The following NKAIN2 variants were observed in gnomAD, a reference collection of about 807,000 sequenced individuals.
The protein encoded by NKAIN2 is sodium/potassium transporting ATPase interacting 2, also known as sodium/potassium-transporting ATPase subunit beta-1-interacting protein 2.
Under a neutral mutation model 32.6 loss-of-function variants are expected in NKAIN2, and 14 were observed. The ratio of observed to expected loss-of-function variants is 0.43; its 90% CI spans 0.28 to 0.67. The LOEUF (loss-of-function observed/expected upper bound fraction) is 0.67. Among genes scored for constraint, NKAIN2 ranks in the 30% least tolerant of loss-of-function variants. The pLI, the probability that NKAIN2 is intolerant of heterozygous loss-of-function variation, is 0.17. For missense variants in NKAIN2, 198 were observed against 258.3 expected (o/e 0.77, Z 1.60); for synonymous variants, 80 against 87.2 (o/e 0.92, Z 0.46).
intron 3 of NKAIN2, among the ~76,000 whole-genome samples, chr6:124,633,294 T>TAGCATACACTAGGTAATGA (rs1444623348): frequency 1.3e-5 from 2 of 152,210 alleles, no homozygotes; most frequent in Non-Finnish European, 2.9e-5. Flanking sequence ...AATTTTGTTG[T>TAGCATACACTAGGTAATGA]AGCATACACT....
chr6:124,281,138 A>G, intron 1 of NKAIN2, among the ~76,000 whole-genome samples: 1 of 152,132 alleles, frequency 6.6e-6, no homozygotes, highest in Admixed American at 6.6e-5. Context: ...TTCATCCTCT[A>G]TACGTTTGCC....
intron 3 of NKAIN2, among the ~76,000 whole-genome samples, chr6:124,581,758 C>G (rs1781534087): frequency 6.6e-6 from 1 of 152,058 alleles, no homozygotes; most frequent in African/African-American, 2.4e-5. Flanking sequence ...CCTGAGTGAC[C>G]TCTGGGTCAA....
intron 3 of NKAIN2, among the ~76,000 whole-genome samples, chr6:124,630,716 C>T (rs1458576735): frequency 6.6e-6 from 1 of 152,070 alleles, no homozygotes; most frequent in Non-Finnish European, 1.5e-5. Context: ...TGATTTTAGA[C>T]AGGCTCATAC....
chr6:124,313,835 CT>C (rs1796823131), intron 2 of NKAIN2, among the ~76,000 whole-genome samples: 1 of 152,106 alleles, frequency 6.6e-6, no homozygotes, highest in Non-Finnish European at 1.5e-5. Flanking sequence ...TCTACCCTAG[CT>C]CGGTGTCTTT....
At chr6:124,687,588 TA>T (rs375374130) in intron 4 of NKAIN2, among the ~76,000 whole-genome samples, 1 of 27,062 alleles carries the variant, frequency 3.7e-5, no homozygotes, top group African/African-American at 2.5e-4. Flanking sequence ...ATTTATAATA[TA>T]AATATATATT....
intron 1 of NKAIN2, among the ~76,000 whole-genome samples, chr6:123,999,752 T>C (rs931975299): frequency 2.6e-5 from 4 of 152,102 alleles, no homozygotes; most frequent in African/African-American, 9.7e-5. Flanking sequence ...AGACATTTCC[T>C]GCGGGGAATG....
chr6:124,227,615 T>A (rs1298410915), intron 1 of NKAIN2, among the ~76,000 whole-genome samples: 1 of 152,164 alleles, frequency 6.6e-6, no homozygotes, highest in Admixed American at 6.6e-5. Flanking sequence ...ACCATCCAAT[T>A]TTCCAGAGAT....
At chr6:124,014,177 C>T (rs527403603) in intron 1 of NKAIN2, among the ~76,000 whole-genome samples, 1 of 152,016 alleles carries the variant, frequency 6.6e-6, no homozygotes, top group Admixed American at 6.6e-5. Context: ...TAATAGAAAG[C>T]TTTTCAATGA....
intron 3 of NKAIN2, among the ~76,000 whole-genome samples, chr6:124,377,879 T>C (rs1205607834): frequency 6.6e-6 from 1 of 152,144 alleles, no homozygotes; most frequent in Non-Finnish European, 1.5e-5. Flanking sequence ...CAGAAATCCA[T>C]ATTCTCTTCA....
intron 1 of NKAIN2, among the ~76,000 whole-genome samples, chr6:123,943,656 T>G (rs1351105632): frequency 2.6e-5 from 4 of 152,094 alleles, no homozygotes; most frequent in Non-Finnish European, 5.9e-5. Context: ...GTCATTGCAC[T>G]GTACTGCTAG....
intron 3 of NKAIN2, among the ~76,000 whole-genome samples, chr6:124,398,565 G>A (rs1006149257): frequency 6.6e-6 from 1 of 152,108 alleles, no homozygotes; most frequent in African/African-American, 2.4e-5. Flanking sequence ...TTCACTCATA[G>A]GCTTGAGAAG....
chr6:124,432,576 C>A (rs1374411438), intron 3 of NKAIN2, among the ~76,000 whole-genome samples: 1 of 151,988 alleles, frequency 6.6e-6, no homozygotes, highest in East Asian at 1.9e-4. Context: ...TCACTGCACT[C>A]CAGCCTGGGC....
intron 4 of NKAIN2, among the ~76,000 whole-genome samples, chr6:124,773,500 C>T (rs1778852468): frequency 6.6e-6 from 1 of 152,044 alleles, no homozygotes; most frequent in Non-Finnish European, 1.5e-5. Context: ...AGACTTTACC[C>T]TTGGAGATGG....
intron 3 of NKAIN2, among the ~76,000 whole-genome samples, chr6:124,587,891 A>G (rs1231094131): frequency 6.6e-6 from 1 of 152,230 alleles, no homozygotes; most frequent in Non-Finnish European, 1.5e-5. Context: ...TTCTTTCATG[A>G]AAAATTTAAG....
intron 1 of NKAIN2, among the ~76,000 whole-genome samples, chr6:124,157,301 C>G (rs1233853025): frequency 2.0e-5 from 3 of 149,904 alleles, no homozygotes; most frequent in African/African-American, 7.4e-5. Context: ...CATGCTTCTT[C>G]CTATGTTCTT....
intron 1 of NKAIN2, among the ~76,000 whole-genome samples, chr6:124,086,436 T>C (rs1306594277): frequency 2.0e-5 from 3 of 152,022 alleles, no homozygotes; most frequent in African/African-American, 7.2e-5. Context: ...AAAATTGTAT[T>C]GTAAGCAGTA....
At chr6:124,167,419 C>G (rs1053114935) in intron 1 of NKAIN2, among the ~76,000 whole-genome samples, 3 of 152,086 alleles carry the variant, frequency 2.0e-5, no homozygotes, top group African/African-American at 4.8e-5. Flanking sequence ...AGATTTTGGG[C>G]TGAGACAATG....
At chr6:123,930,918 CAGAA>C (rs1431735460) in intron 1 of NKAIN2, among the ~76,000 whole-genome samples, 2 of 152,036 alleles carry the variant, frequency 1.3e-5, no homozygotes, top group African/African-American at 4.8e-5. Context: ...AATAGAAATT[CAGAA>C]AGAAGGATGA....
At chr6:123,885,684 AAG>A (rs961213741) in intron 1 of NKAIN2, among the ~76,000 whole-genome samples, 7 of 152,074 alleles carry the variant, frequency 4.6e-5, no homozygotes, top group South Asian at 2.1e-4. Context: ...AAGTACAAGA[AAG>A]AGATTTTTGA....
Sources: gnomAD v4.1 joint callset for allele counts (sites outside exome capture counted in the v4.1 genomes callset) on GRCh38, gnomAD v4.1.1 for gene constraint, MANE v1.5 for transcripts, NCBI Gene and HGNC (gene_info 2026-07-23, HGNC 2026-07-21) for gene names.